The following HEXA variants were observed in gnomAD, a reference collection of about 807,000 sequenced individuals.
HEXA encodes the protein hexosaminidase subunit alpha, also known as beta-hexosaminidase subunit alpha.
Under a neutral mutation model 73.3 loss-of-function variants are expected in HEXA, and 54 were observed. That is an observed-to-expected ratio of 0.74 (90% CI 0.59 to 0.92). The LOEUF is 0.92. Among genes scored for constraint, HEXA ranks in the 40% least tolerant of loss-of-function variants. HEXA has a pLI of 0.00. For synonymous variants in HEXA, 230 were observed against 246.9 expected (o/e 0.93, Z 0.64); for missense variants, 649 against 653.0 (o/e 0.99, Z 0.07).
At chr15:72,372,093 A>C (rs945242812) in intron 1 of HEXA, among the ~76,000 whole-genome samples, 2 of 152,102 alleles carry the variant, frequency 1.3e-5, no homozygotes, top group Non-Finnish European at 1.5e-5. Context: ...TCACACCTGT[A>C]ATCTTGAGGT....
intron 1 of HEXA, among the ~76,000 whole-genome samples, chr15:72,362,066 G>C (rs747156506): frequency 3.9e-5 from 6 of 152,190 alleles, no homozygotes; most frequent in Non-Finnish European, 7.3e-5. Context: ...ATAAGAAAAT[G>C]CCTTGTCTTT....
At chr15:72,350,766 G>A (rs2088684505) in intron 6 of HEXA, 116 bp from the exon 7 acceptor site, 9 of 1,136,730 alleles carry the variant, frequency 7.9e-6, no homozygotes, top group Non-Finnish European at 7.8e-6. Flanking sequence ...ATAGCCCTTT[G>A]GTGTCAGGGA....
intron 3 of HEXA, 75 bp from the exon 4 acceptor site, chr15:72,353,812 A>G (rs1162891410): frequency 1.0e-5 from 11 of 1,082,516 alleles, no homozygotes; most frequent in Non-Finnish European, 1.4e-5. Flanking sequence ...AAGGTTCTCA[A>G]TGTAGCAGAG....
At chr15:72,361,735 A>AT (rs1215467499) in intron 1 of HEXA, among the ~76,000 whole-genome samples, 1 of 152,234 alleles carries the variant, frequency 6.6e-6, no homozygotes, top group African/African-American at 2.4e-5. Context: ...TATCTCAAAC[A>AT]TTGTGTTAAG....
intron 1 of HEXA, among the ~76,000 whole-genome samples, chr15:72,368,016 T>C (rs1287628580): frequency 1.3e-5 from 2 of 152,218 alleles, no homozygotes; most frequent in Non-Finnish European, 2.9e-5. Context: ...TTCCAGAAAC[T>C]GTAAATTCTT....
At chr15:72,353,470 G>C (rs1010129207) in intron 4 of HEXA, among the ~76,000 whole-genome samples, 2 of 152,132 alleles carry the variant, frequency 1.3e-5, no homozygotes, top group Non-Finnish European at 2.9e-5. Context: ...GTGGCCTCAA[G>C]GTCATTACTA....
rs398123442 is a variant in HEXA, at chr15:72,353,141, C to A, written c.497G>T (p.Arg166Leu). ...INKTEIEDFP[R>L]FPHRGLLLDT... The stretch of plus-strand genomic sequence containing the variant: ...CAACAGCAAGCCCCGGTGAGGAAAG[C>A]GGGGAAAGTCCTCAATCTCAGTCTT... Residue 166 changes from arginine to leucine, a missense_variant, in exon 5 of 14, where the codon CGC (arginine) becomes CTC (leucine). Coordinates refer to ENST00000268097, the MANE Select transcript of HEXA (RefSeq NM_000520.6). 1.1e-5 allele frequency: 17 copies of A among 1,613,058 alleles called. No homozygotes were observed. Among genetic ancestry groups the A allele is most frequent in the Non-Finnish European group, 1.4e-5 (16 of 1,179,112 alleles).
Position 72,347,858 on chromosome 15 carries a change from A to G in HEXA, c.1074-100T>C, listed in dbSNP as rs868411141. On this transcript the variant is annotated intron_variant, in intron 9 of 13. Coordinates refer to ENST00000268097, the MANE Select transcript of HEXA (RefSeq NM_000520.6). ...AGGGGTTGAGCCTGGCCAGGGGCCT[A>G]TTCCTCATTAAGCAGTGTCTTTCCC... The G allele has an allele frequency of 3.8e-4, 444 of 1,162,760 alleles. 1 individual carries two copies. Among genetic ancestry groups the G allele is most frequent in the Admixed American group, 1.4e-3 (76 of 55,900 alleles). 72.0% of individuals were successfully genotyped at this position (1,162,760 alleles called of 1,614,324 possible).
chr15:72,344,050 G>A lies in HEXA; in HGVS notation c.*27C>T. On this transcript the variant is annotated 3_prime_UTR_variant, in exon 14 of 14. Coordinates refer to ENST00000268097, the MANE Select transcript of HEXA (RefSeq NM_000520.6). ...CTGGCTCCACTACCATTCACCTACA[G>A]CCAGCACCCTCCTCGGTGCCTGGGG... 1 of 1,600,204 alleles carries A rather than the reference G, an allele frequency of 6.2e-7. No individual in the cohort carries two copies. The highest frequency in any genetic ancestry group is 1.1e-5 in the South Asian group (1 of 90,756).
intron 1 of HEXA, among the ~76,000 whole-genome samples, chr15:72,373,208 G>C (rs980360472): frequency 6.6e-6 from 1 of 152,208 alleles, no homozygotes; most frequent in African/African-American, 2.4e-5. Context: ...GAAGAGGATG[G>C]AAATCTGTTA....
intron 10 of HEXA, 44 bp from the exon 11 acceptor site, chr15:72,346,754 A>C (rs2088620787): frequency 3.8e-6 from 6 of 1,587,042 alleles, no homozygotes; most frequent in Non-Finnish European, 5.2e-6. Context: ...AAAGCTGAGG[A>C]GATTCCTGGG....
chr15:72,356,876 T>C, intron 1 of HEXA: 1 of 569,796 alleles, frequency 1.8e-6, no homozygotes, highest in Admixed American at 2.6e-5. Flanking sequence ...GGGCTCTATA[T>C]TTCTGACTGC....
rs867709463 is a variant in HEXA at position 72,375,638 on chromosome 15, G to T, written c.253+82C>A. On this transcript the variant is annotated intron_variant, in intron 1 of 13. Transcript: ENST00000268097. ...CAGAGGGCTGGACAAAAGCCCATAGGGCGTCTCTGGAGCCCTGGGGGAACT... is the reference window on the plus strand; with the variant it reads ...CAGAGGGCTGGACAAAAGCCCATAGTGCGTCTCTGGAGCCCTGGGGGAACT... The T allele has an allele frequency of 5.9e-6, 9 of 1,520,264 alleles. No individual in the cohort carries two copies. In the African/African-American group the frequency reaches 8.2e-5, roughly 14 times the overall value. The allele number at this position is 1,520,264 out of a possible 1,614,324, so 94.2% of individuals were successfully genotyped here. A position where few individuals can be genotyped will look rare whatever the true frequency, so the allele number is the denominator to read the frequency against.
chr15:72,350,582 C>A lies in HEXA; in HGVS notation c.741G>T (p.Arg247=), dbSNP rs76873846. The A allele has an allele frequency of 1.9e-6, 3 of 1,614,122 alleles. No homozygotes were observed. The highest frequency in any genetic ancestry group is 2.5e-6 in the Non-Finnish European group (3 of 1,179,996). Residue 247 remains arginine (R), a synonymous_variant, in exon 7 of 14, where the codon CGG becomes CGT. Coordinates refer to ENST00000268097, the MANE Select transcript of HEXA (RefSeq NM_000520.6). ...CTGCAAGCACACGGATACCCCGGAG[C>A]CGTGCGTATTCAATGACCTCCTTCA... ...QDVKEVIEYA[R]LRGIRVLAEF...
intron 1 of HEXA, among the ~76,000 whole-genome samples, chr15:72,369,082 CACA>C (rs567856752): frequency 4.6e-5 from 7 of 152,178 alleles, no homozygotes; most frequent in South Asian, 2.1e-4. Flanking sequence ...AAGATGTGGA[CACA>C]ACAATAGCAT....
At chr15:72,347,181 C>T (rs1022796852) in intron 10 of HEXA, among the ~76,000 whole-genome samples, 2 of 33,480 alleles carry the variant, frequency 6.0e-5, no homozygotes, top group African/African-American at 8.2e-5. Context: ...TCCAGCCTAT[C>T]CAAGTAACCT....
intron 10 of HEXA, among the ~76,000 whole-genome samples, chr15:72,347,132 A>G (rs568565324): frequency 2.2e-5 from 3 of 138,698 alleles, no homozygotes; most frequent in African/African-American, 7.4e-5. Context: ...TTGGTCCCAC[A>G]GACCCAGAAG....
At chr15:72,357,297 C>T (rs1361397123) in intron 1 of HEXA, 1 of 161,336 alleles carries the variant, frequency 6.2e-6, no homozygotes, top group Non-Finnish European at 1.4e-5. Flanking sequence ...GATGATGCAA[C>T]TGATACCTCA....
Position 72,355,583 on chromosome 15 carries a change from C to G in HEXA, c.388G>C (p.Glu130Gln), listed in dbSNP as rs917904407. Residue 130 changes from glutamate (E) to glutamine (Q), a missense_variant, in exon 3 of 14, where the codon GAG (glutamate) becomes CAG (glutamine). Physicochemically the swap from Glu to Gln is conservative, Grantham distance 29 (BLOSUM62 2). Transcript: ENST00000268097. Reference sequence around the variant, plus strand: ...CCTCGGAGAGCTCCCCAGACAGTCTCAGAGAGGAGTAAACACTGGTCATCA... The same window carrying G: ...CCTCGGAGAGCTCCCCAGACAGTCTGAGAGAGGAGTAAACACTGGTCATCA... ...INDDQCLLLS[E>Q]TVWGALRGLE... The G allele has an allele frequency of 1.9e-6, 3 of 1,610,588 alleles. No individual in the cohort carries two copies. The highest frequency in any genetic ancestry group is 1.3e-5 in the African/African-American group (1 of 74,814).
Sources: gnomAD v4.1 joint callset for allele counts (sites outside exome capture counted in the v4.1 genomes callset) on GRCh38, gnomAD v4.1.1 for gene constraint, MANE v1.5 for transcripts, NCBI Gene and HGNC (gene_info 2026-07-23, HGNC 2026-07-21) for gene names.